TENM1: variants seen among roughly 807,000 people sequenced by gnomAD.
TENM1 encodes teneurin-1.
In TENM1, 35 loss-of-function variants were observed where a neutral mutation model predicts 174.8. That is an observed-to-expected ratio of 0.20 (90% CI 0.15 to 0.27). The LOEUF (loss-of-function observed/expected upper bound fraction) is 0.27, where lower values mean the gene tolerates loss of function less well. Among genes scored for constraint, TENM1 ranks in the 10% least tolerant of loss-of-function variants. TENM1 has a pLI of 1.00. For synonymous variants in TENM1, 781 were observed against 798.7 expected (o/e 0.98, Z 0.37); for missense variants, 1,633 against 2,130.1 (o/e 0.77, Z 4.59).
intron 4 of TENM1, among the ~76,000 whole-genome samples, chrX:124,725,541 T>C (rs970128255): frequency 8.9e-6 from 1 of 112,294 alleles, no homozygotes; most frequent in African/African-American, 3.2e-5. Flanking sequence ...GACAATTCTT[T>C]TTGAGCTTTC....
intron 1 of TENM1, among the ~76,000 whole-genome samples, chrX:124,905,147 G>GAA (rs964073439): frequency 3.6e-5 from 4 of 110,015 alleles, no homozygotes; most frequent in Admixed American, 2.9e-4. Context: ...AACAAAGTGA[G>GAA]ACTCTGTCTC....
intron 16 of TENM1, among the ~76,000 whole-genome samples, chrX:124,527,650 CTTT>C (rs996971096): frequency 2.2e-5 from 2 of 92,864 alleles, no homozygotes; most frequent in Non-Finnish European, 2.2e-5. Flanking sequence ...TTTCTTTTTT[CTTT>C]TTTTTTTTTT....
chrX:125,164,581 T>C, the TENM1 span, among the ~76,000 whole-genome samples: 4 of 112,064 alleles, frequency 3.6e-5, no homozygotes, highest in Non-Finnish European at 5.6e-5. Flanking sequence ...TCAAAATTAT[T>C]GCTTTGCACC....
rs567751149 is a variant in TENM1 at position 124,778,505 on chromosome X, T to C, written c.536-41308A>G. On this transcript the variant is annotated intron_variant, in intron 3 of 31. Transcript: ENST00000422452. Reference sequence around the variant, plus strand: ...AAGCTCTACAACACAATGAGTGGAATTTTAGTGCAAAAATTTGCTTTTGAG... The same window carrying C: ...AAGCTCTACAACACAATGAGTGGAACTTTAGTGCAAAAATTTGCTTTTGAG... Among the ~76,000 whole-genome samples the C allele has an allele frequency of 8.9e-5, 10 of 112,527 alleles. No homozygotes were observed. The South Asian group carries it at 2.9e-3, about 33-fold the overall frequency.
chrX:124,720,593 C>T (rs2053288491), intron 4 of TENM1, among the ~76,000 whole-genome samples: 1 of 112,102 alleles, frequency 8.9e-6, no homozygotes, highest in South Asian at 3.7e-4. Flanking sequence ...GTGTCACCAG[C>T]GCATCCTTGA....
intron 4 of TENM1, among the ~76,000 whole-genome samples, chrX:124,710,376 A>C (rs879220676): frequency 1.8e-5 from 2 of 112,205 alleles, no homozygotes; most frequent in African/African-American, 6.5e-5. Context: ...TAAAATCTTC[A>C]ATCTTTTGCA....
chrX:124,787,910 G>A (rs1207361464), intron 3 of TENM1, among the ~76,000 whole-genome samples: 1 of 111,705 alleles, frequency 9.0e-6, no homozygotes, highest in Admixed American at 9.5e-5. Flanking sequence ...AAAAGAAAGC[G>A]GCTTATTGGA....
intron 1 of TENM1, among the ~76,000 whole-genome samples, chrX:124,907,286 T>C (rs914328726): frequency 2.7e-5 from 3 of 112,009 alleles, no homozygotes; most frequent in African/African-American, 9.7e-5. Context: ...CCATTTTACT[T>C]TTACTCCAGG....
At chrX:124,913,073 GA>G (rs1345170710) in intron 1 of TENM1, among the ~76,000 whole-genome samples, 1 of 110,824 alleles carries the variant, frequency 9.0e-6, no homozygotes, top group Non-Finnish European at 1.9e-5. Context: ...GTAAAAGTTG[GA>G]AAAACATTGA....
At chrX:124,839,181 TTGTAAAACA>T (rs1432130557) in intron 3 of TENM1, among the ~76,000 whole-genome samples, 2 of 112,164 alleles carry the variant, frequency 1.8e-5, no homozygotes, top group Non-Finnish European at 3.8e-5. Context: ...AAAAATCTAT[TTGTAAAACA>T]TGTAAAATAT....
At chrX:125,110,027 A>C in the TENM1 span, among the ~76,000 whole-genome samples, 1 of 111,641 alleles carries the variant, frequency 9.0e-6, no homozygotes, top group Admixed American at 9.6e-5. Flanking sequence ...GATGTTTATG[A>C]AACAATGAAA....
At chrX:125,003,992 T>C in the TENM1 span, among the ~76,000 whole-genome samples, 1 of 111,949 alleles carries the variant, frequency 8.9e-6, no homozygotes, top group African/African-American at 3.3e-5. Context: ...TGGAGAAAGA[T>C]GTTAAGTTAA....
chrX:124,622,872 A>G (rs1415447525), intron 11 of TENM1, among the ~76,000 whole-genome samples: 2 of 111,590 alleles, frequency 1.8e-5, no homozygotes, highest in Non-Finnish European at 3.8e-5. Flanking sequence ...AAAGCACTTC[A>G]CATTTAAAGA....
chrX:124,476,089 A>G (rs1457132430), intron 22 of TENM1, among the ~76,000 whole-genome samples: 6 of 112,047 alleles, frequency 5.4e-5, no homozygotes, highest in Non-Finnish European at 7.5e-5. Flanking sequence ...AAAGGAATTT[A>G]GGAAAAACCA....
At chrX:125,153,902 A>T in the TENM1 span, among the ~76,000 whole-genome samples, 1 of 112,295 alleles carries the variant, frequency 8.9e-6, no homozygotes. Context: ...TTTTCACTAC[A>T]TGTATGTTGT....
chrX:124,467,781 CAG>C (rs2061255761), intron 22 of TENM1, among the ~76,000 whole-genome samples: 1 of 111,696 alleles, frequency 9.0e-6, no homozygotes, highest in Non-Finnish European at 1.9e-5. Context: ...TGTTTTTTGA[CAG>C]AGTCTCACTC....
chrX:125,186,195 C>A, the TENM1 span, among the ~76,000 whole-genome samples: 3 of 110,663 alleles, frequency 2.7e-5, no homozygotes, highest in Admixed American at 1.9e-4. Context: ...TCATCTATTT[C>A]TCAAACAACT....
At chrX:124,495,384 T>G (rs2047174915) in intron 20 of TENM1, among the ~76,000 whole-genome samples, 1 of 108,692 alleles carries the variant, frequency 9.2e-6, no homozygotes, top group South Asian at 4.1e-4. Flanking sequence ...TGTAAATTTG[T>G]TTGAGTTCAT....
chrX:124,997,318 G>A, the TENM1 span, among the ~76,000 whole-genome samples: 2,498 of 111,450 alleles, frequency 0.022, 71 homozygotes, highest in African/African-American at 0.077. Flanking sequence ...ACAGAATATA[G>A]TAAGTATAAT....
Sources: gnomAD v4.1 joint callset for allele counts (sites outside exome capture counted in the v4.1 genomes callset) on GRCh38, gnomAD v4.1.1 for gene constraint, MANE v1.5 for transcripts, NCBI Gene and HGNC (gene_info 2026-07-23, HGNC 2026-07-21) for gene names.